The following WWOX variants were observed in gnomAD, a reference collection of about 807,000 sequenced individuals.
The protein encoded by WWOX is WW domain-containing oxidoreductase.
In WWOX, 69 loss-of-function variants were observed where a neutral mutation model predicts 46.2. The observed-to-expected ratio is 1.49, with a 90% confidence interval of 1.23 to 1.82. WWOX has a LOEUF of 1.82. WWOX is among the 40% of genes most tolerant of loss of function. The pLI is 0.00. For synonymous variants in WWOX, 359 were observed against 202.6 expected, an observed-to-expected ratio of 1.77 and a Z score of -6.56; for missense variants, 919 against 542.6, an observed-to-expected ratio of 1.69 and a Z score of -6.89.
chr16:78,391,433 T>G (rs184137875), intron 6 of WWOX, among the ~76,000 whole-genome samples: 1 of 152,342 alleles, frequency 6.6e-6, no homozygotes, highest in Admixed American at 6.5e-5. Flanking sequence ...CTTGAGCAAG[T>G]AGGAGATCCA....
chr16:78,326,581 C>T (rs34949304), intron 5 of WWOX, among the ~76,000 whole-genome samples: 1 of 94,366 alleles, frequency 1.1e-5, no homozygotes, highest in South Asian at 5.1e-4. Context: ...CCCCCCGCCC[C>T]CCCCCCCCGC....
At chr16:79,051,411 C>T (rs2048164750) in intron 8 of WWOX, among the ~76,000 whole-genome samples, 1 of 152,174 alleles carries the variant, frequency 6.6e-6, no homozygotes. Flanking sequence ...AATTCAGGAA[C>T]CCAGGCTCCT....
At chr16:79,209,871 G>T (rs942584322) in intron 8 of WWOX, among the ~76,000 whole-genome samples, 1 of 152,226 alleles carries the variant, frequency 6.6e-6, no homozygotes. Context: ...TAATAATTCA[G>T]TGAAAGGAAA....
intron 8 of WWOX, among the ~76,000 whole-genome samples, chr16:78,575,088 T>A (rs1597291302): frequency 3.9e-5 from 2 of 51,486 alleles, no homozygotes; most frequent in East Asian, 8.1e-4. Context: ...TATATATATA[T>A]ATATATATTT....
At chr16:79,059,605 C>A (rs12103013) in intron 8 of WWOX, among the ~76,000 whole-genome samples, 1 of 152,146 alleles carries the variant, frequency 6.6e-6, no homozygotes, top group Non-Finnish European at 1.5e-5. Context: ...ATGCTCCTGC[C>A]TCAGCCTGCC....
intron 3 of WWOX, among the ~76,000 whole-genome samples, chr16:78,110,811 T>C (rs1371431408): frequency 1.3e-5 from 2 of 152,314 alleles, no homozygotes; most frequent in East Asian, 3.9e-4. Flanking sequence ...GGTAAGTGAC[T>C]TGTTAAGGAT....
chr16:78,163,245 T>A (rs917304198), intron 4 of WWOX, among the ~76,000 whole-genome samples: 1 of 152,226 alleles, frequency 6.6e-6, no homozygotes, highest in Admixed American at 6.5e-5. Flanking sequence ...ACATTTTCTC[T>A]TGCTTCTGGA....
At chr16:79,206,376 GTCAC>G (rs968459597) in intron 8 of WWOX, 16 of 152,214 alleles carry the variant, frequency 1.1e-4, no homozygotes, top group Admixed American at 2.0e-4. Context: ...GGAGTCTGAA[GTCAC>G]TCACTCTACG....
At chr16:79,056,042 G>A (rs1163719255) in intron 8 of WWOX, among the ~76,000 whole-genome samples, 2 of 151,886 alleles carry the variant, frequency 1.3e-5, no homozygotes, top group East Asian at 3.9e-4. Context: ...GGCTTTAATT[G>A]ATAGAATTAC....
At chr16:78,767,092 C>G (rs986460467) in intron 8 of WWOX, among the ~76,000 whole-genome samples, 3 of 129,000 alleles carry the variant, frequency 2.3e-5, no homozygotes, top group Admixed American at 8.0e-5. Flanking sequence ...TTCTCTCTCT[C>G]CTTTCCTCCC....
At chr16:78,498,276 G>A (rs982889141) in intron 8 of WWOX, among the ~76,000 whole-genome samples, 2 of 151,794 alleles carry the variant, frequency 1.3e-5, no homozygotes, top group African/African-American at 4.8e-5. Context: ...AATGCTGTTA[G>A]ACTTCTTAAA....
chr16:78,981,330 G>A (rs570965676), intron 8 of WWOX, among the ~76,000 whole-genome samples: 2 of 152,266 alleles, frequency 1.3e-5, no homozygotes, highest in South Asian at 4.1e-4. Flanking sequence ...TGGGTGGGGG[G>A]GGAAAACGCC....
intron 4 of WWOX, among the ~76,000 whole-genome samples, chr16:78,152,004 C>T (rs953839781): frequency 1.3e-5 from 2 of 152,122 alleles, no homozygotes; most frequent in African/African-American, 4.8e-5. Flanking sequence ...TCCTGGCTAA[C>T]ACGGTGAAAC....
At chr16:78,965,175 C>G (rs979011587) in intron 8 of WWOX, among the ~76,000 whole-genome samples, 7 of 152,202 alleles carry the variant, frequency 4.6e-5, no homozygotes, top group African/African-American at 1.7e-4. Context: ...GGAAAGTGAA[C>G]TAAGCTCTTT....
At chr16:78,664,930 T>G (rs144939771) in intron 8 of WWOX, among the ~76,000 whole-genome samples, 1 of 152,218 alleles carries the variant, frequency 6.6e-6, no homozygotes, top group African/African-American at 2.4e-5. Context: ...CTGTCATGTG[T>G]CAGCCTAATA....
At chr16:78,756,450 A>G (rs561340160) in intron 8 of WWOX, among the ~76,000 whole-genome samples, 1 of 152,320 alleles carries the variant, frequency 6.6e-6, no homozygotes, top group African/African-American at 2.4e-5. Flanking sequence ...CTGGGATTCC[A>G]GAAAAAGATT....
intron 8 of WWOX, among the ~76,000 whole-genome samples, chr16:79,193,122 C>T (rs1003840642): frequency 6.6e-6 from 1 of 152,216 alleles, no homozygotes; most frequent in East Asian, 1.9e-4. Context: ...TTCCATTAGA[C>T]TTCATTCTCT....
rs11646311 is a variant in WWOX at position 78,773,923 on chromosome 16, T to G, written c.1056+341171T>G. Reference sequence around the variant, plus strand: ...TCCAGAATTGGAATTTAACACAGTTTTCCCAGGCCCTTCATGGAATTTGAA... The same window carrying G: ...TCCAGAATTGGAATTTAACACAGTTGTCCCAGGCCCTTCATGGAATTTGAA... On this transcript the variant is annotated intron_variant, in intron 8 of 8. Coordinates refer to ENST00000566780, the MANE Select transcript of WWOX (RefSeq NM_016373.4). 9.2e-3 allele frequency among the ~76,000 whole-genome samples: 1,397 copies of G among 152,318 alleles called. 12 individuals are homozygous for G. The highest frequency in any genetic ancestry group is 0.014 in the Non-Finnish European group (921 of 68,014).
intron 5 of WWOX, among the ~76,000 whole-genome samples, chr16:78,192,736 C>G (rs1271348677): frequency 6.6e-6 from 1 of 151,974 alleles, no homozygotes; most frequent in African/African-American, 2.4e-5. Context: ...TTGACAGAAT[C>G]TTTTTTTAAA....
Sources: gnomAD v4.1 joint callset for allele counts (sites outside exome capture counted in the v4.1 genomes callset) on GRCh38, gnomAD v4.1.1 for gene constraint, MANE v1.5 for transcripts, NCBI Gene and HGNC (gene_info 2026-07-23, HGNC 2026-07-21) for gene names.